Variants in PPM1E observed in about 807,000 individuals in gnomAD.
The protein encoded by PPM1E is protein phosphatase, Mg2+/Mn2+ dependent 1E.
A neutral mutation model predicts 65.9 loss-of-function variants in PPM1E; 20 were observed. The observed-to-expected ratio is 0.30, with a 90% CI of 0.21 to 0.44. The LOEUF (loss-of-function observed/expected upper bound fraction) is 0.44, where lower values mean the gene tolerates loss of function less well. PPM1E is among the 20% of genes least tolerant of loss of function. The pLI is 1.00. For missense variants in PPM1E, 713 were observed against 953.1 expected, an observed-to-expected ratio of 0.75 and a Z score of 3.32; for synonymous variants, 352 against 374.9, an observed-to-expected ratio of 0.94 and a Z score of 0.70.
intron 1 of PPM1E, among the ~76,000 whole-genome samples, chr17:58,882,538 G>A (rs369318418): frequency 3.3e-5 from 5 of 151,886 alleles, no homozygotes; most frequent in South Asian, 2.1e-4. Context: ...TTACAAGTGC[G>A]TGCCACCACG....
intron 1 of PPM1E, among the ~76,000 whole-genome samples, chr17:58,948,146 T>A (rs1335186721): frequency 6.6e-6 from 1 of 152,106 alleles, no homozygotes; most frequent in East Asian, 1.9e-4. Context: ...ATTTTTTTCA[T>A]CCGAGTAGTC....
At chr17:58,812,814 G>A (rs879596917) in intron 1 of PPM1E, among the ~76,000 whole-genome samples, 23 of 152,078 alleles carry the variant, frequency 1.5e-4, no homozygotes, top group African/African-American at 4.1e-4. Context: ...TGATCCACCC[G>A]CCTCAGCCTC....
rs533649397 is a variant in PPM1E, at chr17:58,908,419, G to T, written c.465-47230G>T. ...TTATGCTTCAGTTTCCTCTTTTTTA[G>T]CATATAAATTATGCTTCTTTTTATA... On this transcript the variant is annotated intron_variant, in intron 1 of 6. Coordinates refer to ENST00000308249, the MANE Select transcript of PPM1E (RefSeq NM_014906.5). 8.0e-5 allele frequency among the ~76,000 whole-genome samples: 12 copies of T among 150,778 alleles called. No homozygotes were observed. In the East Asian group the frequency reaches 2.2e-3, roughly 27 times the overall value.
chr17:58,810,042 T>C (rs1432436321), intron 1 of PPM1E, among the ~76,000 whole-genome samples: 1 of 152,112 alleles, frequency 6.6e-6, no homozygotes, highest in Admixed American at 6.6e-5. Context: ...TCTTTTTTTG[T>C]ACCAAATCTT....
intron 6 of PPM1E, among the ~76,000 whole-genome samples, 171 bp from the exon 7 acceptor site, chr17:58,979,803 A>T (rs1038668676): frequency 2.0e-5 from 3 of 152,238 alleles, no homozygotes; most frequent in African/African-American, 7.2e-5. Context: ...AGCAGATCTG[A>T]TTACCAGAGA....
intron 1 of PPM1E, among the ~76,000 whole-genome samples, chr17:58,838,607 T>G (rs1420673475): frequency 5.3e-5 from 8 of 152,242 alleles, no homozygotes; most frequent in Non-Finnish European, 1.2e-4. Flanking sequence ...AGTTTGGCAG[T>G]GGCTTACAAG....
intron 1 of PPM1E, among the ~76,000 whole-genome samples, chr17:58,768,719 G>T (rs2049907041): frequency 6.6e-6 from 1 of 151,778 alleles, no homozygotes; most frequent in Non-Finnish European, 1.5e-5. Flanking sequence ...GCCCAGGCTG[G>T]AGTGCAATGG....
chr17:58,762,253 C>G (rs561036113), intron 1 of PPM1E, among the ~76,000 whole-genome samples: 2 of 152,236 alleles, frequency 1.3e-5, no homozygotes, highest in African/African-American at 4.8e-5. Context: ...AATCCCAACA[C>G]TTTGGGAGGC....
chr17:58,868,567 G>GC (rs1555615721), intron 1 of PPM1E, among the ~76,000 whole-genome samples: 14 of 107,638 alleles, frequency 1.3e-4, no homozygotes, highest in African/African-American at 4.3e-4. Flanking sequence ...AAATGTCCAG[G>GC]CTTTTTTTTT....
chr17:58,945,686 C>T (rs532138429), intron 1 of PPM1E, among the ~76,000 whole-genome samples: 1 of 152,322 alleles, frequency 6.6e-6, no homozygotes, highest in African/African-American at 2.4e-5. Context: ...TTCCTACAAC[C>T]TTCTCCGAAG....
At chr17:58,940,203 C>G (rs1252140478) in intron 1 of PPM1E, among the ~76,000 whole-genome samples, 1 of 152,194 alleles carries the variant, frequency 6.6e-6, no homozygotes, top group Non-Finnish European at 1.5e-5. Context: ...TTAGTCACTC[C>G]TAGTGATTCT....
At chr17:58,828,542 A>G (rs1040880656) in intron 1 of PPM1E, among the ~76,000 whole-genome samples, 4 of 151,422 alleles carry the variant, frequency 2.6e-5, no homozygotes, top group Non-Finnish European at 4.4e-5. Context: ...TCGCCTCACC[A>G]CAACCTCTGC....
rs2049753344 is a variant in PPM1E, at chr17:58,755,910, G to A, written c.-88G>A. On this transcript the variant is annotated 5_prime_UTR_variant, in exon 1 of 7. Coordinates refer to ENST00000308249, the MANE Select transcript of PPM1E (RefSeq NM_014906.5). Reference sequence around the variant, plus strand: ...GCCGGTGCGGCCGTTAACCGCCCTTGCCGGAGCCCTAGGCTCAAAAGCAGC... The same window carrying A: ...GCCGGTGCGGCCGTTAACCGCCCTTACCGGAGCCCTAGGCTCAAAAGCAGC... 8 of 1,565,534 alleles carry A rather than the reference G, an allele frequency of 5.1e-6. No homozygotes were observed. Among genetic ancestry groups the A allele is most frequent in the Non-Finnish European group, 6.1e-6 (7 of 1,156,568 alleles).
intron 2 of PPM1E, among the ~76,000 whole-genome samples, chr17:58,959,494 G>C (rs1455436496): frequency 6.6e-6 from 1 of 151,576 alleles, no homozygotes; most frequent in Admixed American, 6.6e-5. Flanking sequence ...AGCTACTCAG[G>C]AGGCTGAGAC....
chr17:58,843,158 C>T (rs1457931489), intron 1 of PPM1E, among the ~76,000 whole-genome samples: 2 of 150,822 alleles, frequency 1.3e-5, no homozygotes, highest in Admixed American at 6.6e-5. Context: ...ATGGTGGCGG[C>T]GCCTGTAGTC....
In PPM1E at chr17:58,890,646, CAT is replaced by C. The variant is rs921768779; in HGVS notation, c.465-64991_465-64990del. On this transcript the variant is annotated intron_variant, in intron 1 of 6. Coordinates refer to ENST00000308249, the MANE Select transcript of PPM1E (RefSeq NM_014906.5). ...GTATGTGTGTATATAAACATACACACATATATATATATACATGAATGTTTTTT... is the reference window on the plus strand; with the variant it reads ...GTATGTGTGTATATAAACATACACACATATATATATACATGAATGTTTTTT... Among the ~76,000 whole-genome samples the C allele has an allele frequency of 9.3e-5, 14 of 150,972 alleles. No individual in the cohort carries two copies. In the East Asian group the frequency reaches 1.2e-3, roughly 13 times the overall value.
At chr17:58,861,545 T>G (rs1382056494) in intron 1 of PPM1E, among the ~76,000 whole-genome samples, 1 of 152,128 alleles carries the variant, frequency 6.6e-6, no homozygotes, top group Non-Finnish European at 1.5e-5. Context: ...TATCCAAGAA[T>G]TGATTCCTTT....
chr17:58,864,825 A>G (rs1370818116), intron 1 of PPM1E, among the ~76,000 whole-genome samples: 1 of 150,890 alleles, frequency 6.6e-6, no homozygotes, highest in African/African-American at 2.4e-5. Flanking sequence ...AGTCCCAGCT[A>G]CTAGGGAGGC....
chr17:58,879,190 C>T (rs894772686), intron 1 of PPM1E, among the ~76,000 whole-genome samples: 4 of 151,658 alleles, frequency 2.6e-5, no homozygotes, highest in Non-Finnish European at 5.9e-5. Flanking sequence ...TACATCACAG[C>T]GTTTTTTCAC....
Sources: allele counts gnomAD v4.1 joint callset (sites outside exome capture counted in the v4.1 genomes callset), GRCh38; gene constraint gnomAD v4.1.1; transcripts MANE v1.5; gene names NCBI Gene and HGNC (gene_info 2026-07-23, HGNC 2026-07-21).